KAZN: variants seen among roughly 807,000 people sequenced by gnomAD.
KAZN encodes the protein kazrin.
A neutral mutation model predicts 87.4 loss-of-function variants in KAZN; 40 were observed. That is an observed-to-expected ratio of 0.46 (90% CI 0.36 to 0.60). KAZN has a LOEUF of 0.60. Among genes scored for constraint, KAZN ranks in the 20% least tolerant of loss-of-function variants. KAZN has a pLI of 0.00. For missense variants in KAZN, 898 were observed against 1,073.9 expected, an observed-to-expected ratio of 0.84 and a Z score of 2.29; for synonymous variants, 466 against 458.3, an observed-to-expected ratio of 1.02 and a Z score of -0.22.
intron 1 of KAZN, among the ~76,000 whole-genome samples, chr1:14,127,816 C>T (rs1023220082): frequency 1.3e-5 from 2 of 152,128 alleles, no homozygotes; most frequent in Non-Finnish European, 2.9e-5. Flanking sequence ...GTGCTAGGGA[C>T]ACCCTGGCAG....
At chr1:14,337,006 A>G (rs371863739) in intron 2 of KAZN, among the ~76,000 whole-genome samples, 43 of 152,368 alleles carry the variant, frequency 2.8e-4, no homozygotes, top group African/African-American at 9.9e-4. Flanking sequence ...ATACTTATCC[A>G]TGTAAAAATG....
intron 8 of KAZN, among the ~76,000 whole-genome samples, chr1:15,087,583 C>T (rs773453287): frequency 2.6e-5 from 4 of 152,070 alleles, no homozygotes; most frequent in South Asian, 2.1e-4. Flanking sequence ...TTAGTAGAGA[C>T]GGGGTTTCAC....
In KAZN at chr1:14,652,791, G is replaced by A. The variant is rs976837309; in HGVS notation, c.226+53568G>A. Among the ~76,000 whole-genome samples the A allele has an allele frequency of 6.7e-4, 102 of 151,544 alleles. 1 individual carries two copies. The highest frequency in any genetic ancestry group is 2.4e-3 in the African/African-American group (99 of 41,302). On this transcript the variant is annotated intron_variant, in intron 1 of 14. Coordinates refer to ENST00000376030, the MANE Select transcript of KAZN (RefSeq NM_201628.3). ...CATCCAGAAAACATTTCATGCTTAT[G>A]TGCCAGGCCATACACACCAGTTTAA...
chr1:13,923,978 G>A (rs1024454039), intron 1 of KAZN, among the ~76,000 whole-genome samples: 6 of 151,822 alleles, frequency 4.0e-5, no homozygotes, highest in Admixed American at 2.6e-4. Flanking sequence ...ATGGCCCGTC[G>A]GGCAGAGTGG....
At chr1:15,051,047 G>T (rs201651364) in intron 4 of KAZN, among the ~76,000 whole-genome samples, 1 of 152,240 alleles carries the variant, frequency 6.6e-6, no homozygotes, top group Non-Finnish European at 1.5e-5. Flanking sequence ...CCTTGTGCCC[G>T]CTCAGTGCCC....
At chr1:14,718,050 A>G (rs1642894293) in intron 1 of KAZN, among the ~76,000 whole-genome samples, 1 of 152,188 alleles carries the variant, frequency 6.6e-6, no homozygotes, top group Non-Finnish European at 1.5e-5. Flanking sequence ...TAGCACCGCC[A>G]AAGACCGCCG....
intron 1 of KAZN, among the ~76,000 whole-genome samples, chr1:14,802,494 T>TG (rs148726830): frequency 0.011 from 1,679 of 151,838 alleles, 10 homozygotes; most frequent in African/African-American, 0.018. Flanking sequence ...ACAACTGGTA[T>TG]GGGGGGGTTA....
intron 1 of KAZN, among the ~76,000 whole-genome samples, chr1:14,931,315 A>G (rs1379072930): frequency 6.6e-6 from 1 of 152,072 alleles, no homozygotes; most frequent in Non-Finnish European, 1.5e-5. Context: ...ATGGTGGCGC[A>G]TGCCTGTAGT....
intron 1 of KAZN, among the ~76,000 whole-genome samples, chr1:14,683,967 T>C (rs1309413890): frequency 2.6e-5 from 4 of 152,216 alleles, no homozygotes; most frequent in African/African-American, 7.2e-5. Context: ...GGAGTATTTG[T>C]ATTTCTTCTG....
intron 1 of KAZN, among the ~76,000 whole-genome samples, chr1:14,750,620 T>A (rs1462256848): frequency 1.3e-5 from 2 of 152,056 alleles, no homozygotes; most frequent in Admixed American, 6.6e-5. Context: ...AAAAGACCTT[T>A]AAAACCCATT....
intron 2 of KAZN, among the ~76,000 whole-genome samples, chr1:14,338,488 GAAAA>G (rs543667115): frequency 8.6e-5 from 7 of 81,598 alleles, no homozygotes; most frequent in Middle Eastern, 5.3e-3. Context: ...CCATCTTAGA[GAAAA>G]AAAAAAAAAA....
At chr1:14,170,569 A>G (rs1343705009) in intron 1 of KAZN, among the ~76,000 whole-genome samples, 2 of 152,188 alleles carry the variant, frequency 1.3e-5, no homozygotes, top group Non-Finnish European at 1.5e-5. Flanking sequence ...TAACTGCTTT[A>G]AAGTGTATAA....
chr1:14,158,697 A>AT lies in KAZN; in HGVS notation c.92-21735dup, dbSNP rs140126487. On this transcript the variant is annotated intron_variant, in intron 1 of 16. Transcript: ENST00000636203. Reference sequence around the variant, plus strand: ...ATGTCTGGGCATTGAAGAGTTAGGTATTTATACATTATTGCAGTACTCTCA... The same window carrying AT: ...ATGTCTGGGCATTGAAGAGTTAGGTATTTTATACATTATTGCAGTACTCTCA... Among the ~76,000 whole-genome samples the AT allele has an allele frequency of 3.1e-3, 469 of 152,146 alleles. 22 individuals carry two copies. In the East Asian group the frequency reaches 0.077, roughly 25 times the overall value.
chr1:14,458,169 G>A (rs1667672593), intron 2 of KAZN, among the ~76,000 whole-genome samples: 1 of 152,050 alleles, frequency 6.6e-6, no homozygotes, highest in Non-Finnish European at 1.5e-5. Flanking sequence ...TATAGTTTTT[G>A]TTGATATTTT....
chr1:14,605,783 T>C (rs1031665660), intron 1 of KAZN, among the ~76,000 whole-genome samples: 1 of 152,172 alleles, frequency 6.6e-6, no homozygotes, highest in Non-Finnish European at 1.5e-5. Flanking sequence ...ACCTATGTTC[T>C]TCCAGGTCAA....
chr1:14,799,556 C>A (rs2100729998), intron 1 of KAZN, among the ~76,000 whole-genome samples: 1 of 152,228 alleles, frequency 6.6e-6, no homozygotes, highest in Non-Finnish European at 1.5e-5. Flanking sequence ...TTTAGAGGAA[C>A]CAGTCGAGTT....
At chr1:14,562,831 C>G (rs1674335944) in intron 2 of KAZN, among the ~76,000 whole-genome samples, 1 of 152,228 alleles carries the variant, frequency 6.6e-6, no homozygotes, top group African/African-American at 2.4e-5. Flanking sequence ...CATGGCAGTG[C>G]CTTCCAGAGA....
chr1:14,010,593 TCTTTGAGG>T (rs1640250519), intron 1 of KAZN, among the ~76,000 whole-genome samples: 1 of 152,180 alleles, frequency 6.6e-6, no homozygotes, highest in Admixed American at 6.5e-5. Flanking sequence ...TTGAAACTGG[TCTTTGAGG>T]CTTTGTCCTG....
At position 14,837,052 on chromosome 1, in the gene KAZN, G is replaced by GT. The variant is rs1401059478; in HGVS notation, c.227-123625dup. The stretch of plus-strand genomic sequence containing the variant: ...TGTTGTCTTTCTCATTTCTTTGCTT[G>GT]TTTTTTTAAAGTTTTGCTGTGTGTT... On this transcript the variant is annotated intron_variant, in intron 1 of 14. Coordinates refer to ENST00000376030, the MANE Select transcript of KAZN (RefSeq NM_201628.3). Among the ~76,000 whole-genome samples the GT allele has an allele frequency of 3.3e-5, 5 of 151,880 alleles. No homozygotes were observed. The East Asian group carries it at 5.8e-4, about 18-fold the overall frequency.
Sources: allele counts gnomAD v4.1 joint callset (sites outside exome capture counted in the v4.1 genomes callset), GRCh38; gene constraint gnomAD v4.1.1; transcripts MANE v1.5; gene names NCBI Gene and HGNC (gene_info 2026-07-23, HGNC 2026-07-21).